The following BRME1 variants were observed in gnomAD, a reference collection of about 807,000 sequenced individuals.
BRME1 encodes the protein break repair meiotic recombinase recruitment factor 1.
BRME1 carries 31 observed loss-of-function variants against 52.6 expected under a neutral mutation model. That is an observed-to-expected ratio of 0.59 (90% CI 0.44 to 0.80). The LOEUF is 0.80. BRME1 is among the 30% of genes least tolerant of loss of function. The pLI, the probability that BRME1 is intolerant of heterozygous loss-of-function variation, is 0.00. For missense variants in BRME1, 804 were observed against 860.3 expected (o/e 0.93, Z 0.82); for synonymous variants, 359 against 353.6 (o/e 1.02, Z -0.17).
intron 1 of BRME1, 111 bp from the exon 2 acceptor site, chr19:13,905,024 G>A: frequency 1.2e-6 from 1 of 846,226 alleles, no homozygotes; most frequent in African/African-American, 1.7e-5. Context: ...AGCCCATTTG[G>A]CTGCCCCAGG....
chr19:13,888,780 C>T lies in BRME1; in HGVS notation c.1668+408G>A, dbSNP rs1478864038. On this transcript the variant is annotated intron_variant, in intron 6 of 8. Transcript: ENST00000586783. This position sits in a 1 kb window ranked among gnomAD's most constrained non-coding sequence, Gnocchi z 4.1. ...GGGAGTGAAGCCCCCTCCCCAGGCC[C>T]AGGTATAAAGCCATCCCCAGGCCCA... Among the ~76,000 whole-genome samples, 1 of 152,112 alleles carries T rather than the reference C, an allele frequency of 6.6e-6. No individual in the cohort carries two copies. Among genetic ancestry groups the T allele is most frequent in the Non-Finnish European group, 1.5e-5 (1 of 68,006 alleles).
rs35330501 is a variant in BRME1 at position 13,884,628 on chromosome 19, C to CAAA, written c.1764-1231_1764-1229dup. ...GGGTGATGGGAGTAAGACTGTGTCT[C>CAAA]AAAAAAAAAAAAAAAATCACGGAAG... On this transcript the variant is annotated intron_variant, in intron 7 of 8. Coordinates refer to ENST00000586783, the MANE Select transcript of BRME1 (RefSeq NM_001345843.2). 1.2e-3 allele frequency among the ~76,000 whole-genome samples: 150 copies of CAAA among 125,370 alleles called. 1 individual carries two copies. Among genetic ancestry groups the CAAA allele is most frequent in the Middle Eastern group, 4.3e-3 (1 of 230 alleles). 82.2% of individuals were successfully genotyped at this position (125,370 alleles called of 152,430 possible). A position where few individuals can be genotyped will look rare whatever the true frequency, so the allele number is the denominator to read the frequency against.
intron 2 of BRME1, among the ~76,000 whole-genome samples, chr19:13,901,024 G>C (rs1406043909): frequency 6.6e-6 from 1 of 152,056 alleles, no homozygotes; most frequent in Non-Finnish European, 1.5e-5. Flanking sequence ...GCCCAGGCTG[G>C]AGTGCAGGCG....
chr19:13,886,450 G>A (rs1031884046), intron 6 of BRME1, among the ~76,000 whole-genome samples: 10 of 152,232 alleles, frequency 6.6e-5, no homozygotes, highest in African/African-American at 2.4e-4. Flanking sequence ...CAAAGCGGGG[G>A]CAACTGCGGT....
In BRME1 at chr19:13,889,475, ACT is replaced by A; in HGVS notation, c.1379_1380del (p.Glu460ValfsTer89). On this transcript the variant is annotated frameshift_variant, in exon 6 of 9. Coordinates refer to ENST00000586783, the MANE Select transcript of BRME1 (RefSeq NM_001345843.2). LOFTEE classifies it high-confidence loss of function. The stretch of plus-strand genomic sequence containing the variant: ...TCTCGTTCGAGGTTCTGGCCACCTA[ACT>A]CGGCTTCCTCTTGAGCAGGACCTGG... The part of the protein sequence containing the change: ...QEPGPAQEEA[E>X]LGGQNLERDL... The A allele has an allele frequency of 6.2e-7, 1 of 1,613,716 alleles. No homozygotes were observed. The highest frequency in any genetic ancestry group is 8.5e-7 in the Non-Finnish European group (1 of 1,179,986).
chr19:13,893,774 G>C (rs1969687047), intron 3 of BRME1, among the ~76,000 whole-genome samples: 1 of 151,992 alleles, frequency 6.6e-6, no homozygotes, highest in African/African-American at 2.4e-5. Flanking sequence ...AAAATTAGCT[G>C]GACGTGGTGA....
Position 13,889,193 on chromosome 19 carries a change from C to A in BRME1, c.1663G>T (p.Glu555Ter). The stretch of plus-strand genomic sequence containing the variant: ...TCACTCAGGGCAGCTCTCACCTGCT[C>A]AGGTGGGGCTTCGAAGTCAGAGGCG... ...LDASDFEAPP[E>*]QLFPSGNKPG... Residue 555 changes from glutamate (E) to a stop codon, truncating the protein, a stop_gained, in exon 6 of 9, where the codon GAG becomes TAG. Transcript: ENST00000586783. LOFTEE classifies it high-confidence loss of function. 1 of 1,578,798 alleles carries A rather than the reference C, an allele frequency of 6.3e-7. No homozygotes were observed. Among genetic ancestry groups the A allele is most frequent in the South Asian group, 1.2e-5 (1 of 84,982 alleles).
intron 5 of BRME1, among the ~76,000 whole-genome samples, chr19:13,891,143 TA>T (rs1568380767): frequency 6.7e-6 from 1 of 150,166 alleles, no homozygotes; most frequent in East Asian, 1.9e-4. Flanking sequence ...TGTTTATTAT[TA>T]TTATTATTAT....
At chr19:13,884,761 C>T (rs1968881272) in intron 7 of BRME1, among the ~76,000 whole-genome samples, 1 of 144,034 alleles carries the variant, frequency 6.9e-6, no homozygotes, top group Non-Finnish European at 1.5e-5. Flanking sequence ...CCGCCCTAAA[C>T]CCGCCCATGC....
chr19:13,895,261 C>T (rs879561470), intron 3 of BRME1, 111 bp downstream of exon 3: 1 of 1,155,566 alleles, frequency 8.7e-7, no homozygotes, highest in Admixed American at 2.5e-5. Flanking sequence ...GAGTGGGTCA[C>T]AGCACTAGAT....
intron 2 of BRME1, among the ~76,000 whole-genome samples, chr19:13,901,144 A>AT (rs111701966): frequency 2.2e-3 from 315 of 142,148 alleles, no homozygotes; most frequent in African/African-American, 2.2e-3. Flanking sequence ...GTTAATTAAA[A>AT]TTTTTTTTTT....
intron 2 of BRME1, among the ~76,000 whole-genome samples, chr19:13,897,115 C>T (rs578117378): frequency 1.3e-5 from 2 of 151,722 alleles, no homozygotes; most frequent in South Asian, 2.1e-4. Context: ...CTCTGCTCAC[C>T]GCAACCTCTG....
chr19:13,883,622 C>T lies in BRME1; in HGVS notation c.1764-222G>A, dbSNP rs1479189732. On this transcript the variant is annotated intron_variant, in intron 7 of 8. Transcript: ENST00000586783. This position sits in a 1 kb window ranked among gnomAD's most constrained non-coding sequence, Gnocchi z 4.2. The stretch of plus-strand genomic sequence containing the variant: ...CCCTACCTGCCCTGCCCTCTCAGGA[C>T]GCTGCTGCCACCGCCTCCCTATCTC... 17 of 506,384 alleles carry T rather than the reference C, an allele frequency of 3.4e-5. No individual in the cohort carries two copies. Among genetic ancestry groups the T allele is most frequent in the East Asian group, 1.3e-4 (4 of 30,956 alleles). 31.4% of individuals were successfully genotyped at this position (506,384 alleles called of 1,614,324 possible).
Position 13,890,430 on chromosome 19 carries a change from T to G in BRME1, c.426A>C (p.Pro142=). 6.6e-7 allele frequency: 1 copy of G among 1,514,152 alleles called. No individual in the cohort carries two copies. The highest frequency in any genetic ancestry group is 8.8e-7 in the Non-Finnish European group (1 of 1,138,382). 93.8% of individuals were successfully genotyped at this position (1,514,152 alleles called of 1,614,324 possible). ...ETIAESSAQS[P]GCQLLVETLG... ...GGGTCTCCACTAGCAGCTGGCATCC[T>G]GGACTCTGGGCGCTGGACTCTGCGA... Residue 142 remains proline (P), a synonymous_variant, in exon 6 of 9, where the codon CCA becomes CCC. Transcript: ENST00000586783.
chr19:13,902,511 C>A (rs758553114), intron 2 of BRME1, among the ~76,000 whole-genome samples: 1 of 151,902 alleles, frequency 6.6e-6, no homozygotes, highest in Non-Finnish European at 1.5e-5. Flanking sequence ...TGGCATATGC[C>A]TGTAATCTCA....
In BRME1 at chr19:13,888,724, AAGG is replaced by A. The variant is rs1190694610; in HGVS notation, c.1668+461_1668+463del. On this transcript the variant is annotated intron_variant, in intron 6 of 8. Transcript: ENST00000586783. This position sits in a 1 kb window ranked among gnomAD's most constrained non-coding sequence, Gnocchi z 4.1. ...CATATCAGGACCCCCAGAGGACCCT[AAGG>A]AGATGGGCAAAGGCTCTTTTGCAGC... is the stretch of plus-strand genomic sequence containing the variant. Among the ~76,000 whole-genome samples the A allele has an allele frequency of 2.0e-5, 3 of 152,202 alleles. No individual in the cohort carries two copies. The highest frequency in any genetic ancestry group is 2.0e-4 in the Admixed American group (3 of 15,278).
In BRME1 at chr19:13,890,042, C is replaced by T; in HGVS notation, c.814G>A (p.Glu272Lys). Residue 272 changes from glutamate (E) to lysine (K), a missense_variant, in exon 6 of 9, where the codon GAG (glutamate) becomes AAG (lysine). Transcript: ENST00000586783. Reference sequence around the variant, plus strand: ...GGGGTACAGGGGACACCGTCTCCCTCCTCCTGGGGCCCTCCAGGCAGGCCA... The same window carrying T: ...GGGGTACAGGGGACACCGTCTCCCTTCTCCTGGGGCCCTCCAGGCAGGCCA... ...GAGLPGGPQEEGDGVPCTPAS... is the reference protein window; with the variant it reads ...GAGLPGGPQEKGDGVPCTPAS... 1 of 1,613,472 alleles carries T rather than the reference C, an allele frequency of 6.2e-7. No individual in the cohort carries two copies. The highest frequency in any genetic ancestry group is 1.1e-5 in the South Asian group (1 of 91,074).
At position 13,883,268 on chromosome 19, in the gene BRME1, C is replaced by G; in HGVS notation, c.1856+40G>C. The G allele has an allele frequency of 6.7e-7, 1 of 1,497,850 alleles. No individual in the cohort carries two copies. Among genetic ancestry groups the G allele is most frequent in the Non-Finnish European group, 9.0e-7 (1 of 1,113,748 alleles). 92.8% of individuals were successfully genotyped at this position (1,497,850 alleles called of 1,614,324 possible). ...TGCTCCTCTGAGTCCCCACTGGCCT[C>G]CCGCAGACCCTGTGCCGTGAGTCCA... On this transcript the variant is annotated intron_variant, in intron 8 of 8. Coordinates refer to ENST00000586783, the MANE Select transcript of BRME1 (RefSeq NM_001345843.2). This position sits in a 1 kb window ranked among gnomAD's most constrained non-coding sequence, Gnocchi z 4.2.
intron 6 of BRME1, among the ~76,000 whole-genome samples, chr19:13,887,124 G>A (rs547426304): frequency 6.6e-6 from 1 of 152,346 alleles, no homozygotes; most frequent in South Asian, 2.1e-4. Context: ...TCACCTCTGA[G>A]TCCCCTCCTC....
Sources: gnomAD v4.1 joint callset for allele counts (sites outside exome capture counted in the v4.1 genomes callset) on GRCh38, gnomAD v4.1.1 for gene constraint, Gnocchi (gnomAD v3.1) non-coding constraint, MANE v1.5 for transcripts, NCBI Gene and HGNC (gene_info 2026-07-23, HGNC 2026-07-21) for gene names.